Variants in GNAS-AS1 observed in about 807,000 individuals in gnomAD.
GNAS-AS1 encodes the protein GNAS antisense RNA 1 (non-protein coding).
intron 1 of GNAS-AS1, chr20:58,849,023 T>G (rs2145524130): frequency 2.5e-6 from 1 of 396,564 alleles, no homozygotes; most frequent in East Asian, 3.6e-5. Context: ...CAATTCCTAT[T>G]TAAATCTAAG....
intron 4 of GNAS-AS1, chr20:58,839,965 A>C: frequency 1.2e-6 from 1 of 833,622 alleles, no homozygotes; most frequent in South Asian, 1.6e-5. Flanking sequence ...TTTTCTCCTC[A>C]CAAGGAGGTG....
intron 4 of GNAS-AS1, among the ~76,000 whole-genome samples, chr20:58,819,915 A>C (rs1285753600): frequency 6.6e-6 from 1 of 152,230 alleles, no homozygotes; most frequent in Non-Finnish European, 1.5e-5. Context: ...ACTCAGGTCC[A>C]ACAGGTGCCC....
chr20:58,822,593 G>C (rs967464674), intron 4 of GNAS-AS1, among the ~76,000 whole-genome samples: 3 of 152,228 alleles, frequency 2.0e-5, no homozygotes, highest in Non-Finnish European at 4.4e-5. Flanking sequence ...ATCTGGGTGA[G>C]AGCAGGCCTG....
intron 4 of GNAS-AS1, chr20:58,839,993 C>T: frequency 2.5e-6 from 3 of 1,189,864 alleles, no homozygotes; most frequent in Non-Finnish European, 3.6e-6. Flanking sequence ...GACCTCCGGG[C>T]CAGCTTCTCA....
chr20:58,830,482 C>CACCACACCACA (rs1339482378), intron 4 of GNAS-AS1, among the ~76,000 whole-genome samples: 2 of 98,228 alleles, frequency 2.0e-5, no homozygotes, highest in African/African-American at 4.2e-5. Context: ...CCATCATCAC[C>CACCACACCACA]ATCACCACCA....
exon 2 of GNAS-AS1, chr20:58,848,910 G>A: frequency 2.5e-6 from 1 of 398,586 alleles, no homozygotes; most frequent in Middle Eastern, 6.3e-4. Flanking sequence ...GAGTCTGGTA[G>A]CCAGTCACTA....
At chr20:58,848,505 G>C (rs1214082007) in intron 2 of GNAS-AS1, among the ~76,000 whole-genome samples, 1 of 152,154 alleles carries the variant, frequency 6.6e-6, no homozygotes, top group African/African-American at 2.4e-5. Flanking sequence ...GGAAAGCTAT[G>C]TTTAAGGTAC....
Position 58,841,964 on chromosome 20 carries a change from G to A in GNAS-AS1, n.792C>T. The A allele has an allele frequency of 1.8e-6, 2 of 1,100,290 alleles. No individual in the cohort carries two copies. Among genetic ancestry groups the A allele is most frequent in the Non-Finnish European group, 2.3e-6 (2 of 867,846 alleles). The allele number at this position is 1,100,290 out of a possible 1,614,324, so 68.2% of individuals were successfully genotyped here. Reference sequence around the variant, plus strand: ...TTCGTTTCCAAAGAGCGCGGTACGCGCAGAGCTGGGGAAAGGTGTTGGATC... The same window carrying A: ...TTCGTTTCCAAAGAGCGCGGTACGCACAGAGCTGGGGAAAGGTGTTGGATC... On this transcript the variant is annotated non_coding_transcript_exon_variant, in exon 4 of 5. Transcript: ENST00000424094. This position sits in a 1 kb window ranked among gnomAD's most constrained non-coding sequence, Gnocchi z 5.0.
chr20:58,849,128 A>G (rs547226223), intron 1 of GNAS-AS1, among the ~76,000 whole-genome samples: 1 of 152,202 alleles, frequency 6.6e-6, no homozygotes, highest in East Asian at 1.9e-4. Context: ...TTTGGTTGTT[A>G]AAACTAAGGG....
chr20:58,823,311 G>A (rs56024533), intron 4 of GNAS-AS1, among the ~76,000 whole-genome samples: 3 of 152,200 alleles, frequency 2.0e-5, no homozygotes, highest in Non-Finnish European at 2.9e-5. Context: ...CCCTGAACAC[G>A]GGGCCACTGG....
intron 4 of GNAS-AS1, among the ~76,000 whole-genome samples, chr20:58,826,442 C>T (rs1401464191): frequency 6.6e-6 from 1 of 152,180 alleles, no homozygotes; most frequent in African/African-American, 2.4e-5. Flanking sequence ...ACTAACTCAT[C>T]TATGCCTACG....
intron 2 of GNAS-AS1, among the ~76,000 whole-genome samples, chr20:58,846,671 G>A (rs909352789): frequency 5.3e-5 from 8 of 152,182 alleles, no homozygotes; most frequent in Non-Finnish European, 5.9e-5. Context: ...AGAAGACCAC[G>A]TTTCTTCTCC....
chr20:58,823,581 G>A (rs2085500603), intron 4 of GNAS-AS1, among the ~76,000 whole-genome samples: 1 of 152,258 alleles, frequency 6.6e-6, no homozygotes, highest in African/African-American at 2.4e-5. Flanking sequence ...TTAATACAGT[G>A]CAAAGAGGCC....
intron 4 of GNAS-AS1, among the ~76,000 whole-genome samples, chr20:58,824,573 C>T (rs977533793): frequency 6.6e-6 from 1 of 152,194 alleles, no homozygotes; most frequent in African/African-American, 2.4e-5. Flanking sequence ...CGAATACGTA[C>T]TTTTAAAATT....
At chr20:58,830,509 A>G (rs1013265448) in intron 4 of GNAS-AS1, among the ~76,000 whole-genome samples, 55 of 63,560 alleles carry the variant, frequency 8.7e-4, no homozygotes, top group South Asian at 1.2e-3. Flanking sequence ...CCACACCACC[A>G]TCATCACCAC....
At chr20:58,830,805 A>T (rs550006844) in intron 4 of GNAS-AS1, among the ~76,000 whole-genome samples, 161 of 151,576 alleles carry the variant, frequency 1.1e-3, no homozygotes, top group African/African-American at 3.8e-3. Context: ...ATTTATATCC[A>T]GGCCTGTGTG....
chr20:58,834,405 CT>C (rs1307956857), intron 4 of GNAS-AS1: 1 of 152,208 alleles, frequency 6.6e-6, no homozygotes, highest in Non-Finnish European at 1.5e-5. Flanking sequence ...ACAATGATGT[CT>C]CAACTGGCTG....
At chr20:58,842,749 T>C (rs1300475290) in intron 2 of GNAS-AS1, among the ~76,000 whole-genome samples, 4 of 152,214 alleles carry the variant, frequency 2.6e-5, no homozygotes, top group Non-Finnish European at 4.4e-5. Flanking sequence ...TGGTAATGTC[T>C]CAGCCTGAGT....
At chr20:58,823,456 T>G (rs2085499142) in intron 4 of GNAS-AS1, among the ~76,000 whole-genome samples, 1 of 152,200 alleles carries the variant, frequency 6.6e-6, no homozygotes, top group Non-Finnish European at 1.5e-5. Context: ...GGTCAAGGTG[T>G]GGCCATCTGT....
Sources: allele counts gnomAD v4.1 joint callset (sites outside exome capture counted in the v4.1 genomes callset), GRCh38; gene constraint gnomAD v4.1.1; non-coding constraint Gnocchi (gnomAD v3.1); transcripts MANE v1.5; gene names NCBI Gene and HGNC (gene_info 2026-07-23, HGNC 2026-07-21).